DNAJC17: variants seen among roughly 807,000 people sequenced by gnomAD.
DNAJC17 encodes dnaJ homolog subfamily C member 17.
A neutral mutation model predicts 48.1 loss-of-function variants in DNAJC17; 35 were observed. The ratio of observed to expected loss-of-function variants is 0.73; its 90% CI spans 0.56 to 0.96. The LOEUF (loss-of-function observed/expected upper bound fraction) is 0.96. Among genes scored for constraint, DNAJC17 ranks in the 50% least tolerant of loss-of-function variants. The probability of loss-of-function intolerance (pLI) is 0.00; values close to 1 mark genes in which losing one functional copy is unlikely to be tolerated. For missense variants in DNAJC17, 355 were observed against 377.1 expected, an observed-to-expected ratio of 0.94 and a Z score of 0.48; for synonymous variants, 117 against 142.7, an observed-to-expected ratio of 0.82 and a Z score of 1.28.
chr15:40,800,780 G>A (rs1890056222), intron 1 of DNAJC17, among the ~76,000 whole-genome samples: 1 of 151,798 alleles, frequency 6.6e-6, no homozygotes, highest in South Asian at 2.1e-4. Context: ...CCAAGAGAGT[G>A]AAACCACATC....
rs1888932498 is a variant in DNAJC17 at position 40,765,723 on chromosome 15, A to G, written c.*2217T>C. The G allele has an allele frequency of 1.9e-6, 1 of 525,840 alleles. No individual in the cohort carries two copies. The highest frequency in any genetic ancestry group is 3.5e-6 in the Non-Finnish European group (1 of 286,158). The allele number at this position is 525,840 out of a possible 1,614,324, so 32.6% of individuals were successfully genotyped here. The stretch of plus-strand genomic sequence containing the variant: ...ATCCTTGCTACTCTCTGTAGCCTTT[A>G]CCTGAACCTTACTCAGGGCTAGCAG... On this transcript the variant is annotated 3_prime_UTR_variant, in exon 11 of 11. Coordinates refer to ENST00000220496, the MANE Select transcript of DNAJC17 (RefSeq NM_018163.3).
At chr15:40,780,288 C>T (rs1344042905) in intron 1 of DNAJC17, 13 of 572,828 alleles carry the variant, frequency 2.3e-5, no homozygotes, top group African/African-American at 9.3e-5. Context: ...CCCGCTTTCT[C>T]GACAGCCACT....
chr15:40,784,195 G>A (rs1889581951), intron 1 of DNAJC17, among the ~76,000 whole-genome samples: 1 of 151,536 alleles, frequency 6.6e-6, no homozygotes, highest in Admixed American at 6.6e-5. Flanking sequence ...CAGCCTGGGC[G>A]ACAAAAATAA....
At chr15:40,790,178 G>C (rs1889760701) in intron 1 of DNAJC17, among the ~76,000 whole-genome samples, 1 of 152,148 alleles carries the variant, frequency 6.6e-6, no homozygotes, top group African/African-American at 2.4e-5. Flanking sequence ...CTGTGTTACA[G>C]ATGGGGCTGC....
At chr15:40,802,953 A>G (rs1238340453) in intron 1 of DNAJC17, among the ~76,000 whole-genome samples, 1 of 152,126 alleles carries the variant, frequency 6.6e-6, no homozygotes, top group East Asian at 1.9e-4. Flanking sequence ...AAATACAAAA[A>G]TTAGCCAGGC....
chr15:40,807,204 C>G, intron 1 of DNAJC17, 165 bp downstream of exon 1: 3 of 1,505,818 alleles, frequency 2.0e-6, no homozygotes, highest in Non-Finnish European at 1.8e-6. Context: ...TCGGACCGTC[C>G]AGGAAATGTC....
intron 1 of DNAJC17, chr15:40,780,663 A>G: frequency 3.9e-6 from 1 of 257,074 alleles, no homozygotes; most frequent in Non-Finnish European, 7.8e-6. Flanking sequence ...AATATACAAA[A>G]ATTAGCTAGG....
intron 1 of DNAJC17, among the ~76,000 whole-genome samples, chr15:40,785,503 C>T (rs1889616107): frequency 6.6e-6 from 1 of 152,226 alleles, no homozygotes; most frequent in Non-Finnish European, 1.5e-5. Context: ...AAATCCTACA[C>T]ACAGGGCTGC....
chr15:40,775,434 C>G (rs570747872), intron 7 of DNAJC17, 119 bp downstream of exon 7: 2 of 1,158,952 alleles, frequency 1.7e-6, no homozygotes, highest in Admixed American at 1.9e-5. Flanking sequence ...GGTAATGGTG[C>G]GGGCTCCACG....
intron 1 of DNAJC17, among the ~76,000 whole-genome samples, chr15:40,788,567 G>A (rs1393879810): frequency 6.6e-6 from 1 of 152,078 alleles, no homozygotes; most frequent in Non-Finnish European, 1.5e-5. Flanking sequence ...ATGGTGGCGG[G>A]CGCCTGTAGT....
Position 40,768,205 on chromosome 15 carries a change from C to G in DNAJC17, c.793-143G>C, listed in dbSNP as rs576683269. On this transcript the variant is annotated intron_variant, in intron 10 of 10. Transcript: ENST00000220496. ...AGGAAGGGAAGGAACCCGGAGCATC[C>G]TTTTGGAATCCTGGCTCGCCTGTGT... 1.8e-5 allele frequency: 22 copies of G among 1,196,530 alleles called. No homozygotes were observed. In the African/African-American group the frequency reaches 3.5e-4, roughly 19 times the overall value. 74.1% of individuals were successfully genotyped at this position (1,196,530 alleles called of 1,614,324 possible).
chr15:40,780,667 A>C, intron 1 of DNAJC17: 1 of 267,246 alleles, frequency 3.7e-6, no homozygotes, highest in Non-Finnish European at 7.4e-6. Context: ...TACAAAAATT[A>C]GCTAGGCATA....
chr15:40,791,634 C>T (rs1889809659), intron 1 of DNAJC17, among the ~76,000 whole-genome samples: 1 of 151,664 alleles, frequency 6.6e-6, no homozygotes, highest in African/African-American at 2.4e-5. Context: ...CACCTGAGGT[C>T]AGGAGTTCGA....
At chr15:40,780,395 C>T in intron 1 of DNAJC17, 1 of 456,642 alleles carries the variant, frequency 2.2e-6, no homozygotes, top group Non-Finnish European at 4.4e-6. Context: ...TGTTCTTTCC[C>T]TTTGACCCAA....
intron 6 of DNAJC17, 75 bp from the exon 7 acceptor site, chr15:40,775,671 A>G (rs1470551409): frequency 4.0e-6 from 6 of 1,485,086 alleles, no homozygotes; most frequent in Non-Finnish European, 4.7e-6. Flanking sequence ...TGCAGCCCAG[A>G]GCAAGAAGGG....
chr15:40,799,881 G>A (rs1187989889), intron 1 of DNAJC17, among the ~76,000 whole-genome samples: 1 of 151,894 alleles, frequency 6.6e-6, no homozygotes, highest in South Asian at 2.1e-4. Flanking sequence ...ACAAGGTCTC[G>A]CTTTGTCATC....
At chr15:40,785,575 GT>G (rs1447622367) in intron 1 of DNAJC17, among the ~76,000 whole-genome samples, 1 of 152,196 alleles carries the variant, frequency 6.6e-6, no homozygotes, top group Non-Finnish European at 1.5e-5. Context: ...CTTCCTACAA[GT>G]TCCCAAACCT....
Position 40,766,092 on chromosome 15 carries a change from T to TC in DNAJC17, c.*1847dup, listed in dbSNP as rs886549572. On this transcript the variant is annotated 3_prime_UTR_variant, in exon 11 of 11. Transcript: ENST00000220496. ...GGTCCCATCTGTAGCCTCTCCAACA[T>TC]CCCCCCTCTCCCCCACGAGGCTTGC... 2.2e-3 allele frequency: 952 copies of TC among 423,960 alleles called. 11 individuals carry two copies. The highest frequency in any genetic ancestry group is 0.018 in the African/African-American group (867 of 48,956). 26.3% of individuals were successfully genotyped at this position (423,960 alleles called of 1,614,324 possible).
In DNAJC17 at chr15:40,765,815, C is replaced by T; in HGVS notation, c.*2125G>A. The T allele has an allele frequency of 6.7e-7, 1 of 1,491,058 alleles. No homozygotes were observed. The highest frequency in any genetic ancestry group is 1.9e-5 in the Admixed American group (1 of 53,700). 92.4% of individuals were successfully genotyped at this position (1,491,058 alleles called of 1,614,324 possible). Reference sequence around the variant, plus strand: ...GCAGCCAGCCAAGCAGCCACTGTGGCTTACCTTGCAGGAGGTGGGCCCCAC... The same window carrying T: ...GCAGCCAGCCAAGCAGCCACTGTGGTTTACCTTGCAGGAGGTGGGCCCCAC... On this transcript the variant is annotated 3_prime_UTR_variant, in exon 11 of 11. Transcript: ENST00000220496.
Sources: gnomAD v4.1 joint callset for allele counts (sites outside exome capture counted in the v4.1 genomes callset) on GRCh38, gnomAD v4.1.1 for gene constraint, MANE v1.5 for transcripts, NCBI Gene and HGNC (gene_info 2026-07-23, HGNC 2026-07-21) for gene names.